SLC24A2: variants seen among roughly 807,000 people sequenced by gnomAD.
SLC24A2 encodes the protein sodium/potassium/calcium exchanger 2.
Under a neutral mutation model 62.0 loss-of-function variants are expected in SLC24A2, and 36 were observed. The ratio of observed to expected loss-of-function variants is 0.58; its 90% confidence interval spans 0.44 to 0.77. The LOEUF (loss-of-function observed/expected upper bound fraction) is 0.77, where lower values mean the gene tolerates loss of function less well. Ranked by LOEUF, SLC24A2 falls within the 30% of genes least tolerant of loss-of-function variation. The pLI, the probability that SLC24A2 is intolerant of heterozygous loss-of-function variation, is 0.00. For synonymous variants in SLC24A2, 358 were observed against 294.0 expected, an observed-to-expected ratio of 1.22 and a Z score of -2.23; for missense variants, 846 against 817.9, an observed-to-expected ratio of 1.03 and a Z score of -0.42.
At position 19,599,223 on chromosome 9, in the gene SLC24A2, T is replaced by C. The variant is rs1563989981; in HGVS notation, c.1079-1944A>G. Reference sequence around the variant, plus strand: ...GTTTAATTATCATTTTATTTGTACATAGTTGGAATTGGAACTGTTCATATC... The same window carrying C: ...GTTTAATTATCATTTTATTTGTACACAGTTGGAATTGGAACTGTTCATATC... On this transcript the variant is annotated intron_variant, in intron 4 of 10. Coordinates refer to ENST00000341998, the MANE Select transcript of SLC24A2 (RefSeq NM_020344.4). The surrounding 1 kb of genome is among the most constrained non-coding windows in gnomAD (Gnocchi z 4.5). 6.6e-6 allele frequency among the ~76,000 whole-genome samples: 1 copy of C among 152,214 alleles called. No homozygotes were observed. The highest frequency in any genetic ancestry group is 1.5e-5 in the Non-Finnish European group (1 of 68,050).
chr9:19,549,700 C>G (rs1834749302), intron 8 of SLC24A2, among the ~76,000 whole-genome samples: 1 of 152,206 alleles, frequency 6.6e-6, no homozygotes. Context: ...ATGATGGTAG[C>G]CCCAAGATGA....
the SLC24A2 span, among the ~76,000 whole-genome samples, chr9:19,887,307 C>T: frequency 1.3e-5 from 2 of 152,128 alleles, no homozygotes; most frequent in Admixed American, 6.6e-5. Flanking sequence ...GGATATTAGA[C>T]CTTTGTTGGA....
the SLC24A2 span, among the ~76,000 whole-genome samples, chr9:20,290,408 C>T: frequency 6.6e-6 from 1 of 152,226 alleles, no homozygotes; most frequent in Admixed American, 6.5e-5. Flanking sequence ...CTCATCTTGC[C>T]TGTAATCTGG....
At chr9:19,535,937 T>G (rs1010671372) in intron 8 of SLC24A2, among the ~76,000 whole-genome samples, 12 of 152,250 alleles carry the variant, frequency 7.9e-5, no homozygotes, top group African/African-American at 2.9e-4. Context: ...TTGGAAAGTA[T>G]GGCCATTTTC....
At chr9:19,794,124 C>T in the SLC24A2 span, among the ~76,000 whole-genome samples, 1 of 152,192 alleles carries the variant, frequency 6.6e-6, no homozygotes, top group Non-Finnish European at 1.5e-5. Context: ...TCTGCAACAG[C>T]ACTTAAGGCC....
the SLC24A2 span, among the ~76,000 whole-genome samples, chr9:20,239,262 T>G: frequency 1.1e-4 from 16 of 152,294 alleles, no homozygotes; most frequent in African/African-American, 3.6e-4. Context: ...ACAAAAAAAT[T>G]TTTAAGTATT....
the SLC24A2 span, among the ~76,000 whole-genome samples, chr9:20,019,253 G>GAGAAAGAAAGAAAGAAAGAAAGAA: frequency 6.4e-5 from 7 of 109,640 alleles, no homozygotes; most frequent in African/African-American, 1.0e-4. Flanking sequence ...AAGAAGGAAA[G>GAGAAAGAAAGAAAGAAAGAAAGAA]AGAAAGAAAG....
intron 2 of SLC24A2, among the ~76,000 whole-genome samples, chr9:19,627,506 A>C (rs1818063764): frequency 6.6e-6 from 1 of 152,146 alleles, no homozygotes; most frequent in Non-Finnish European, 1.5e-5. Context: ...AATTGTAATC[A>C]GAGTCTCCAA....
the SLC24A2 span, among the ~76,000 whole-genome samples, chr9:19,867,419 C>A: frequency 6.6e-6 from 1 of 152,158 alleles, no homozygotes; most frequent in Non-Finnish European, 1.5e-5. Context: ...TAATTTGTGT[C>A]TTTCTAGGAA....
chr9:20,099,040 C>A, the SLC24A2 span, among the ~76,000 whole-genome samples: 2 of 152,160 alleles, frequency 1.3e-5, no homozygotes, highest in African/African-American at 4.8e-5. Flanking sequence ...TTGCTGCCTC[C>A]ACTGCCAACA....
At chr9:20,063,623 C>G in the SLC24A2 span, among the ~76,000 whole-genome samples, 66,044 of 151,634 alleles carry the variant, frequency 0.44, 14,975 homozygotes, top group East Asian at 0.71. Flanking sequence ...GCACATGTAC[C>G]CTAAAACTTA....
chr9:19,960,419 G>A, the SLC24A2 span, among the ~76,000 whole-genome samples: 1 of 152,164 alleles, frequency 6.6e-6, no homozygotes, highest in African/African-American at 2.4e-5. Context: ...GTAATGAGCT[G>A]CAGTTTGGAA....
At chr9:19,619,434 G>A (rs373776566) in intron 4 of SLC24A2, 150 bp downstream of exon 4, 58 of 755,162 alleles carry the variant, frequency 7.7e-5, no homozygotes, top group South Asian at 1.5e-4. Flanking sequence ...GATAAAGCAC[G>A]TCAAAGGGCC....
chr9:19,646,468 T>C (rs1818640934), intron 2 of SLC24A2, among the ~76,000 whole-genome samples: 1 of 152,186 alleles, frequency 6.6e-6, no homozygotes. Context: ...AAGCTCTGAA[T>C]GCTGAATTCA....
the SLC24A2 span, among the ~76,000 whole-genome samples, chr9:20,196,733 A>G: frequency 6.6e-6 from 1 of 152,222 alleles, no homozygotes; most frequent in East Asian, 1.9e-4. Context: ...ACCTTTTAAA[A>G]TAACTTTATT....
At chr9:19,865,006 CA>C in the SLC24A2 span, among the ~76,000 whole-genome samples, 1 of 152,150 alleles carries the variant, frequency 6.6e-6, no homozygotes, top group African/African-American at 2.4e-5. Context: ...CAAAAATCAA[CA>C]TACAAAGGTC....
the SLC24A2 span, among the ~76,000 whole-genome samples, chr9:19,872,041 G>T: frequency 6.6e-6 from 1 of 152,040 alleles, no homozygotes. Context: ...ATTAATTTTA[G>T]TAACTAGATG....
the SLC24A2 span, among the ~76,000 whole-genome samples, chr9:20,105,844 A>G: frequency 1.3e-5 from 2 of 152,106 alleles, no homozygotes; most frequent in African/African-American, 4.8e-5. Flanking sequence ...AAGTAACTAA[A>G]ATCAGAGCAG....
the SLC24A2 span, among the ~76,000 whole-genome samples, chr9:20,047,963 G>C: frequency 6.6e-6 from 1 of 152,210 alleles, no homozygotes; most frequent in Admixed American, 6.5e-5. Context: ...TAGTAGTTAG[G>C]TTGAAGTTAA....
Sources: gnomAD v4.1 joint callset for allele counts (sites outside exome capture counted in the v4.1 genomes callset) on GRCh38, gnomAD v4.1.1 for gene constraint, Gnocchi (gnomAD v3.1) non-coding constraint, MANE v1.5 for transcripts, NCBI Gene and HGNC (gene_info 2026-07-23, HGNC 2026-07-21) for gene names.